Variants in SLC4A7 observed in about 807,000 individuals in gnomAD.
SLC4A7 encodes the protein sodium bicarbonate cotransporter 3.
A neutral mutation model predicts 137.6 loss-of-function variants in SLC4A7; 51 were observed. The ratio of observed to expected loss-of-function variants is 0.37; its 90% CI spans 0.30 to 0.47. The LOEUF (loss-of-function observed/expected upper bound fraction) is 0.47, where lower values mean the gene tolerates loss of function less well. SLC4A7 is among the 20% of genes least tolerant of loss of function. The pLI, the probability that SLC4A7 is intolerant of heterozygous loss-of-function variation, is 1.00. For missense variants in SLC4A7, 1,247 were observed against 1,525.4 expected, an observed-to-expected ratio of 0.82 and a Z score of 3.04; for synonymous variants, 542 against 518.6, an observed-to-expected ratio of 1.05 and a Z score of -0.61.
intron 3 of SLC4A7, among the ~76,000 whole-genome samples, chr3:27,444,519 AT>A (rs2057445287): frequency 6.6e-6 from 1 of 151,976 alleles, no homozygotes; most frequent in African/African-American, 2.4e-5. Context: ...TCTGTGTTTC[AT>A]TTTGGATAGT....
At chr3:27,395,450 C>T (rs1010047380) in intron 18 of SLC4A7, among the ~76,000 whole-genome samples, 1 of 152,162 alleles carries the variant, frequency 6.6e-6, no homozygotes, top group East Asian at 1.9e-4. Flanking sequence ...CCTTAAAGAA[C>T]CTTGCAGCTT....
intron 1 of SLC4A7, among the ~76,000 whole-genome samples, chr3:27,470,875 G>A (rs555227412): frequency 6.6e-6 from 1 of 152,252 alleles, no homozygotes; most frequent in South Asian, 2.1e-4. Flanking sequence ...CCAGTAGGCG[G>A]AGGTTGCAAT....
At chr3:27,407,474 G>A (rs1434064011) in intron 13 of SLC4A7, among the ~76,000 whole-genome samples, 4 of 131,614 alleles carry the variant, frequency 3.0e-5, no homozygotes, top group East Asian at 4.1e-4. Context: ...GCGAGACTCC[G>A]CCTCAAAAAA....
chr3:27,402,442 G>C (rs1254587175), intron 15 of SLC4A7, among the ~76,000 whole-genome samples: 1 of 152,156 alleles, frequency 6.6e-6, no homozygotes, highest in Non-Finnish European at 1.5e-5. Flanking sequence ...GCTCACGCCT[G>C]TAATCCCAGC....
intron 7 of SLC4A7, among the ~76,000 whole-genome samples, chr3:27,430,845 C>T (rs954292504): frequency 6.6e-6 from 1 of 151,836 alleles, no homozygotes; most frequent in African/African-American, 2.4e-5. Context: ...AAAATAAATA[C>T]ATAAATAAAT....
chr3:27,459,921 C>A (rs906655390), intron 1 of SLC4A7, among the ~76,000 whole-genome samples: 4 of 151,238 alleles, frequency 2.6e-5, no homozygotes, highest in African/African-American at 4.8e-5. Flanking sequence ...TTTTCTCCAA[C>A]ACACCCATAT....
At chr3:27,477,969 G>A (rs1465322658) in intron 1 of SLC4A7, among the ~76,000 whole-genome samples, 1 of 152,066 alleles carries the variant, frequency 6.6e-6, no homozygotes, top group Admixed American at 6.6e-5. Context: ...AATAAAAGAG[G>A]CATCTTCCAA....
intron 2 of SLC4A7, among the ~76,000 whole-genome samples, 171 bp from the exon 3 acceptor site, chr3:27,448,968 C>T (rs2057874188): frequency 6.6e-6 from 1 of 152,114 alleles, no homozygotes; most frequent in Non-Finnish European, 1.5e-5. Flanking sequence ...ATATTGTGCC[C>T]AGGGCTAATA....
intron 1 of SLC4A7, among the ~76,000 whole-genome samples, chr3:27,461,060 TA>T (rs899197824): frequency 4.1e-4 from 63 of 152,336 alleles, no homozygotes; most frequent in Admixed American, 3.1e-3. Flanking sequence ...TTTCACTTGT[TA>T]CGCGAGCTGC....
rs145892261 is a variant in SLC4A7, at chr3:27,430,118, A to G, written c.1150+1180T>C. 6.3e-3 allele frequency among the ~76,000 whole-genome samples: 963 copies of G among 152,078 alleles called. 3 individuals carry two copies. Among genetic ancestry groups the G allele is most frequent in the Admixed American group, 0.012 (186 of 15,274 alleles). ...CAGCTACTCAGAATGCTGAGTCAGG[A>G]GGATTGCTTGATCCCAGGAGTTCAA... On this transcript the variant is annotated intron_variant, in intron 7 of 25. Transcript: ENST00000454389.
chr3:27,464,148 TG>T (rs1303640137), intron 1 of SLC4A7, among the ~76,000 whole-genome samples: 1 of 152,188 alleles, frequency 6.6e-6, no homozygotes, highest in Non-Finnish European at 1.5e-5. Context: ...CACTCCAGCC[TG>T]GGAGCAAGAC....
At chr3:27,472,997 T>C (rs992196147) in intron 1 of SLC4A7, among the ~76,000 whole-genome samples, 1 of 151,954 alleles carries the variant, frequency 6.6e-6, no homozygotes, top group Non-Finnish European at 1.5e-5. Flanking sequence ...GGGGAATCGT[T>C]TGAATCTGGG....
intron 20 of SLC4A7, among the ~76,000 whole-genome samples, chr3:27,392,968 A>G (rs1241574647): frequency 2.0e-5 from 3 of 152,166 alleles, no homozygotes; most frequent in African/African-American, 7.2e-5. Flanking sequence ...ATGATATGAA[A>G]AAAGGAGAAA....
chr3:27,384,073 G>A (rs903917794), intron 23 of SLC4A7, among the ~76,000 whole-genome samples: 3 of 152,240 alleles, frequency 2.0e-5, no homozygotes, highest in Admixed American at 6.5e-5. Context: ...GTGATCGATA[G>A]GACAGTAGAG....
intron 12 of SLC4A7, among the ~76,000 whole-genome samples, chr3:27,410,752 G>A (rs1255618589): frequency 6.6e-6 from 1 of 152,124 alleles, no homozygotes; most frequent in East Asian, 1.9e-4. Context: ...TAATACAACA[G>A]TACTGTTCAC....
At chr3:27,392,823 C>T (rs1238443786) in intron 20 of SLC4A7, among the ~76,000 whole-genome samples, 1 of 149,812 alleles carries the variant, frequency 6.7e-6, no homozygotes, top group African/African-American at 2.5e-5. Context: ...GAGACTCTGT[C>T]TCAAAAGAAA....
At position 27,431,538 on chromosome 3, in the gene SLC4A7, C is replaced by T; in HGVS notation, c.910G>A (p.Ala304Thr). Residue 304 changes from alanine to threonine, a missense_variant, in exon 7 of 26, where the codon GCA becomes ACA. This residue lies in a region of SLC4A7 where 223 missense variants were observed against 203.6 expected (regional missense o/e 1.10). Transcript: ENST00000454389. ...ACTGGGGTTGTACACCTTGAGCCTGCAGGGGTTCCAGCTCTTGAAGAAGGA... is the reference window on the plus strand; with the variant it reads ...ACTGGGGTTGTACACCTTGAGCCTGTAGGGGTTCCAGCTCTTGAAGAAGGA... ...LLPSSRAGTP[A>T]GSRCTTPVPT... 6.2e-7 allele frequency: 1 copy of T among 1,614,086 alleles called. No homozygotes were observed. The highest frequency in any genetic ancestry group is 8.5e-7 in the Non-Finnish European group (1 of 1,179,996).
chr3:27,438,111 C>T (rs578195540), intron 3 of SLC4A7, among the ~76,000 whole-genome samples: 10 of 151,226 alleles, frequency 6.6e-5, no homozygotes, highest in East Asian at 5.8e-4. Flanking sequence ...GCAGGAGAAT[C>T]GCTTGAACCT....
chr3:27,437,364 G>T, intron 4 of SLC4A7, 24 bp downstream of exon 4: 2 of 1,397,650 alleles, frequency 1.4e-6, no homozygotes, highest in Non-Finnish European at 9.6e-7. Context: ...AAAAAAAAAA[G>T]AGAGAGAGAC....
Sources: allele counts gnomAD v4.1 joint callset (sites outside exome capture counted in the v4.1 genomes callset), GRCh38; gene constraint gnomAD v4.1.1; regional missense constraint gnomAD v4.1.1; transcripts MANE v1.5; gene names NCBI Gene and HGNC (gene_info 2026-07-23, HGNC 2026-07-21).